The following THSD4 variants were observed in gnomAD, a reference collection of about 807,000 sequenced individuals.
THSD4 encodes thrombospondin type-1 domain-containing protein 4.
THSD4 carries 69 observed loss-of-function variants against 119.0 expected under a neutral mutation model. The ratio of observed to expected loss-of-function variants is 0.58; its 90% CI spans 0.48 to 0.71. The LOEUF is 0.71. THSD4 is among the 30% of genes least tolerant of loss of function. THSD4 has a pLI of 0.00. For synonymous variants in THSD4, 524 were observed against 540.4 expected (o/e 0.97, Z 0.42); for missense variants, 1,393 against 1,391.1 (o/e 1.00, Z -0.02).
At chr15:71,199,848 T>A (rs987257808) in intron 3 of THSD4, among the ~76,000 whole-genome samples, 20 of 149,504 alleles carry the variant, frequency 1.3e-4, no homozygotes, top group African/African-American at 4.2e-4. Context: ...GTGTGCTGTG[T>A]GTGATGCATG....
intron 6 of THSD4, among the ~76,000 whole-genome samples, chr15:71,307,646 G>C (rs1180128727): frequency 6.6e-6 from 1 of 152,162 alleles, no homozygotes; most frequent in African/African-American, 2.4e-5. Flanking sequence ...GGGGGCACCT[G>C]TAATCCCAGC....
chr15:71,235,849 C>T (rs1398893169), intron 4 of THSD4, among the ~76,000 whole-genome samples: 4 of 152,096 alleles, frequency 2.6e-5, no homozygotes, highest in Non-Finnish European at 5.9e-5. Flanking sequence ...CCTCAGCCTC[C>T]GAAAGTGCTG....
intron 7 of THSD4, among the ~76,000 whole-genome samples, chr15:71,454,187 G>A (rs570364009): frequency 6.6e-6 from 1 of 152,294 alleles, no homozygotes; most frequent in Non-Finnish European, 1.5e-5. Context: ...AACCCAGGAG[G>A]TGGAGGTTGC....
At chr15:71,615,689 C>G (rs570697547) in intron 7 of THSD4, among the ~76,000 whole-genome samples, 31 of 152,192 alleles carry the variant, frequency 2.0e-4, no homozygotes, top group African/African-American at 7.0e-4. Flanking sequence ...CTCTTGTATT[C>G]TGTCTTTTCC....
chr15:71,608,249 T>TATGC (rs772729777), intron 7 of THSD4, among the ~76,000 whole-genome samples: 3 of 106,258 alleles, frequency 2.8e-5, no homozygotes, highest in African/African-American at 3.7e-5. Flanking sequence ...TATATATATA[T>TATGC]ACACACACAC....
intron 6 of THSD4, among the ~76,000 whole-genome samples, chr15:71,291,428 C>T (rs2044790227): frequency 6.6e-6 from 1 of 152,170 alleles, no homozygotes; most frequent in Admixed American, 6.5e-5. Flanking sequence ...TGTTGTGTTC[C>T]AGTCTGAAAG....
chr15:71,353,704 G>A (rs756515661), intron 6 of THSD4, among the ~76,000 whole-genome samples: 88 of 152,214 alleles, frequency 5.8e-4, no homozygotes, highest in Admixed American at 6.5e-5. Flanking sequence ...GAGGAGCCAG[G>A]ATTTGTAGAA....
chr15:71,642,817 G>C (rs1298875731), intron 7 of THSD4, among the ~76,000 whole-genome samples: 1 of 151,854 alleles, frequency 6.6e-6, no homozygotes, highest in Non-Finnish European at 1.5e-5. Context: ...GGGGGAGTGG[G>C]GAGGGATAGC....
At chr15:71,182,071 ATG>A (rs1491431894) in intron 3 of THSD4, among the ~76,000 whole-genome samples, 58 of 152,128 alleles carry the variant, frequency 3.8e-4, no homozygotes, top group South Asian at 1.0e-3. Flanking sequence ...TATGGCAAAA[ATG>A]ATATACATTG....
intron 5 of THSD4, among the ~76,000 whole-genome samples, chr15:71,250,515 T>A (rs1344985044): frequency 1.3e-5 from 2 of 152,140 alleles, no homozygotes; most frequent in Non-Finnish European, 2.9e-5. Flanking sequence ...GATGGGTTCT[T>A]GCTATGTTGC....
intron 3 of THSD4, among the ~76,000 whole-genome samples, chr15:71,211,368 T>A (rs1355044789): frequency 2.0e-5 from 3 of 152,172 alleles, no homozygotes; most frequent in African/African-American, 7.2e-5. Flanking sequence ...CGATTTAGTT[T>A]CCTGGTGAGG....
At chr15:71,275,509 G>A (rs892042143) in intron 6 of THSD4, among the ~76,000 whole-genome samples, 1 of 152,186 alleles carries the variant, frequency 6.6e-6, no homozygotes, top group African/African-American at 2.4e-5. Flanking sequence ...GGTTTTCAGA[G>A]TTAGATTTAC....
intron 7 of THSD4, 70 bp downstream of exon 7, chr15:71,411,893 A>G (rs1385837562): frequency 6.3e-7 from 1 of 1,591,706 alleles, no homozygotes; most frequent in Non-Finnish European, 8.6e-7. Flanking sequence ...ATTGTTTTCC[A>G]GGGAGAGACT....
At chr15:71,360,934 A>T (rs2140419466) in intron 6 of THSD4, among the ~76,000 whole-genome samples, 1 of 152,334 alleles carries the variant, frequency 6.6e-6, no homozygotes, top group Non-Finnish European at 1.5e-5. Flanking sequence ...ATTGAAGCAT[A>T]GTAGAGAGGT....
chr15:71,244,409 T>G (rs982624522), intron 5 of THSD4, among the ~76,000 whole-genome samples: 1 of 152,236 alleles, frequency 6.6e-6, no homozygotes, highest in Non-Finnish European at 1.5e-5. Context: ...CTATATTAGC[T>G]TCAATTTCCT....
intron 1 of THSD4, among the ~76,000 whole-genome samples, chr15:71,135,708 C>G (rs1165960141): frequency 3.3e-5 from 5 of 152,200 alleles, no homozygotes; most frequent in Admixed American, 2.6e-4. Flanking sequence ...AGCCAAAGCT[C>G]TTTCTCCAAT....
chr15:71,220,513 C>T (rs183388746), intron 4 of THSD4, among the ~76,000 whole-genome samples: 170 of 152,218 alleles, frequency 1.1e-3, no homozygotes, highest in African/African-American at 3.9e-3. Flanking sequence ...ATAATAATAC[C>T]TATCATGTGG....
At chr15:71,686,158 G>A (rs2051905137) in intron 8 of THSD4, among the ~76,000 whole-genome samples, 1 of 152,120 alleles carries the variant, frequency 6.6e-6, no homozygotes, top group Admixed American at 6.5e-5. Flanking sequence ...TCACATTATT[G>A]TACAACCATC....
At chr15:71,313,377 A>G (rs534129334) in intron 6 of THSD4, among the ~76,000 whole-genome samples, 2 of 152,216 alleles carry the variant, frequency 1.3e-5, no homozygotes, top group African/African-American at 4.8e-5. Context: ...CATGTTGGAC[A>G]TTCCCTGCCC....
Sources: gnomAD v4.1 joint callset for allele counts (sites outside exome capture counted in the v4.1 genomes callset) on GRCh38, gnomAD v4.1.1 for gene constraint, MANE v1.5 for transcripts, NCBI Gene and HGNC (gene_info 2026-07-23, HGNC 2026-07-21) for gene names.